CHLSN: variants seen among roughly 807,000 people sequenced by gnomAD.
CHLSN encodes the protein protein cholesin.
the CHLSN span, among the ~76,000 whole-genome samples, chr7:992,010 G>A: frequency 2.0e-5 from 3 of 152,150 alleles, no homozygotes; most frequent in African/African-American, 4.8e-5. Flanking sequence ...CAGGCAGCCC[G>A]CGAGCCCAGC....
At chr7:1,069,382 TCTCCCCA>T in the CHLSN span, among the ~76,000 whole-genome samples, 2 of 95,104 alleles carry the variant, frequency 2.1e-5, no homozygotes, top group South Asian at 4.0e-4. Context: ...CCCTCTCCCC[TCTCCCCA>T]CGGTCTCCCT....
chr7:1,035,345 T>C, the CHLSN span, among the ~76,000 whole-genome samples: 4 of 152,266 alleles, frequency 2.6e-5, no homozygotes, highest in Non-Finnish European at 5.9e-5. Context: ...TGCATCTTTA[T>C]GGTGGAAAGA....
the CHLSN span, among the ~76,000 whole-genome samples, chr7:1,125,762 G>A: frequency 2.0e-5 from 3 of 152,228 alleles, no homozygotes; most frequent in African/African-American, 2.4e-5. Flanking sequence ...TGTGCCATCC[G>A]CAGACACGGA....
the CHLSN span, among the ~76,000 whole-genome samples, chr7:1,005,543 G>A: frequency 6.6e-6 from 1 of 152,246 alleles, no homozygotes; most frequent in African/African-American, 2.4e-5. Context: ...ACTTGGAGCT[G>A]GGCTGTCCCT....
the CHLSN span, among the ~76,000 whole-genome samples, chr7:1,054,353 T>C: frequency 1.3e-5 from 2 of 152,242 alleles, no homozygotes; most frequent in African/African-American, 2.4e-5. Context: ...CCTGCAGCTT[T>C]GGAAGTTTAT....
chr7:1,112,165 A>G, the CHLSN span, among the ~76,000 whole-genome samples: 1 of 152,180 alleles, frequency 6.6e-6, no homozygotes. Context: ...TTCCACTGAC[A>G]TGGAAACAGT....
At chr7:1,035,885 C>A in the CHLSN span, among the ~76,000 whole-genome samples, 8 of 152,218 alleles carry the variant, frequency 5.3e-5, no homozygotes, top group Non-Finnish European at 8.8e-5. Flanking sequence ...TGGAAGCAAC[C>A]AAGATGCCCT....
chr7:1,015,984 T>C, the CHLSN span, among the ~76,000 whole-genome samples: 1 of 152,012 alleles, frequency 6.6e-6, no homozygotes, highest in African/African-American at 2.4e-5. Context: ...GGCAGGACCA[T>C]CTAGTGTCTG....
At chr7:1,034,176 C>T in the CHLSN span, among the ~76,000 whole-genome samples, 3 of 152,208 alleles carry the variant, frequency 2.0e-5, no homozygotes, top group Non-Finnish European at 4.4e-5. Flanking sequence ...CCTACGACTG[C>T]TCAGCAACAA....
the CHLSN span, among the ~76,000 whole-genome samples, chr7:1,052,382 CT>C: frequency 6.6e-6 from 1 of 152,076 alleles, no homozygotes; most frequent in Non-Finnish European, 1.5e-5. The surrounding 1 kb of genome is among the most constrained non-coding windows in gnomAD (Gnocchi z 4.2). Flanking sequence ...CGACGTGGGC[CT>C]GGGGAGGGAC....
At chr7:989,557 A>T in the CHLSN span, 1 of 153,010 alleles carries the variant, frequency 6.5e-6, no homozygotes, top group Middle Eastern at 3.4e-3. Context: ...GAGGCAGGCG[A>T]ATCACGAGGT....
chr7:1,116,120 T>C, the CHLSN span, among the ~76,000 whole-genome samples: 1,929 of 60,800 alleles, frequency 0.032, 134 homozygotes, highest in Admixed American at 0.055. Context: ...CCATCACCAA[T>C]GCCCATGCAG....
At chr7:1,004,191 G>C in the CHLSN span, among the ~76,000 whole-genome samples, 1 of 152,098 alleles carries the variant, frequency 6.6e-6, no homozygotes, top group African/African-American at 2.4e-5. Flanking sequence ...CCGGATGGCC[G>C]ACCCGGCCAG....
At chr7:1,030,302 G>A in the CHLSN span, among the ~76,000 whole-genome samples, 3 of 152,154 alleles carry the variant, frequency 2.0e-5, no homozygotes, top group African/African-American at 4.8e-5. Flanking sequence ...ACAGCCACCC[G>A]CCTCCACACC....
chr7:988,712 C>G, the CHLSN span: 2 of 1,599,610 alleles, frequency 1.3e-6, no homozygotes, highest in African/African-American at 1.3e-5. Context: ...GCAGAGGTAC[C>G]GCCTGCTGCC....
the CHLSN span, among the ~76,000 whole-genome samples, chr7:1,018,969 G>A: frequency 5.1e-4 from 78 of 152,228 alleles, no homozygotes; most frequent in Non-Finnish European, 9.9e-4. Context: ...GCCGAGGTGG[G>A]TGGATCATCT....
At chr7:1,026,831 A>T in the CHLSN span, 3 of 152,238 alleles carry the variant, frequency 2.0e-5, no homozygotes, top group Non-Finnish European at 4.4e-5. Flanking sequence ...TGGATTTTCC[A>T]GCGCGCCGCC....
the CHLSN span, among the ~76,000 whole-genome samples, chr7:1,126,359 CAAAA>C: frequency 8.4e-4 from 34 of 40,506 alleles, no homozygotes; most frequent in African/African-American, 2.6e-3. Flanking sequence ...GACTCTGTCT[CAAAA>C]AAAAAAAAAA....
chr7:1,083,680 G>T, the CHLSN span, among the ~76,000 whole-genome samples: 4 of 151,816 alleles, frequency 2.6e-5, no homozygotes, highest in East Asian at 7.8e-4. Flanking sequence ...AGGCGCAGAC[G>T]ACGGGAGCAC....
Sources: allele counts gnomAD v4.1 joint callset (sites outside exome capture counted in the v4.1 genomes callset), GRCh38; gene constraint gnomAD v4.1.1; non-coding constraint Gnocchi (gnomAD v3.1); transcripts MANE v1.5; gene names NCBI Gene and HGNC (gene_info 2026-07-23, HGNC 2026-07-21).